SPESP1: variants seen among roughly 807,000 people sequenced by gnomAD.
SPESP1 encodes the protein sperm equatorial segment protein 1, also known as equatorial segment protein.
A neutral mutation model predicts 3.1 loss-of-function variants in SPESP1; 1 was observed. The ratio of observed to expected loss-of-function variants is 0.33; its 90% CI spans 0.12 to 1.54. The LOEUF is 1.54. Ranked by LOEUF, SPESP1 falls within the 40% of genes most tolerant of loss-of-function variation. The pLI is 0.38. For synonymous variants in SPESP1, 138 were observed against 150.7 expected (o/e 0.92, Z 0.62); for missense variants, 398 against 410.1 (o/e 0.97, Z 0.26).
chr15:68,944,857 A>G (rs1895919442), intron 1 of SPESP1, among the ~76,000 whole-genome samples: 1 of 152,202 alleles, frequency 6.6e-6, no homozygotes, highest in African/African-American at 2.4e-5. Context: ...GCAGTAGTAT[A>G]CTGGTAAATA....
chr15:68,941,033 A>G (rs1341464400), intron 1 of SPESP1, among the ~76,000 whole-genome samples: 1 of 151,964 alleles, frequency 6.6e-6, no homozygotes, highest in African/African-American at 2.4e-5. Context: ...GGCCAATGCT[A>G]TACTATTTTT....
chr15:68,934,209 A>G lies in SPESP1; in HGVS notation c.64+3492A>G, dbSNP rs35256639. Among the ~76,000 whole-genome samples the G allele has an allele frequency of 9.5e-3, 1,444 of 152,222 alleles. 12 individuals carry two copies. Among genetic ancestry groups the G allele is most frequent in the Non-Finnish European group, 0.015 (1,016 of 68,016 alleles). On this transcript the variant is annotated intron_variant, in intron 1 of 1. Transcript: ENST00000310673. ...GGATTACAAAAGCTCTTATTTCTAG[A>G]TTGGTATTATAAGAAGGCTCAATGT... is the stretch of plus-strand genomic sequence containing the variant.
At chr15:68,932,472 C>T (rs1169630332) in intron 1 of SPESP1, among the ~76,000 whole-genome samples, 1 of 151,698 alleles carries the variant, frequency 6.6e-6, no homozygotes, top group African/African-American at 2.4e-5. Flanking sequence ...CTCACCGCAA[C>T]CTCTGCCTCC....
At position 68,944,526 on chromosome 15, in the gene SPESP1, T is replaced by A. The variant is rs563846079; in HGVS notation, c.65-1073T>A. On this transcript the variant is annotated intron_variant, in intron 1 of 1. Coordinates refer to ENST00000310673, the MANE Select transcript of SPESP1 (RefSeq NM_145658.4). ...ACTTTAGTCAAGAATATATATATAT[T>A]TTTGATCCGGGGGCAGGTGAGGAGA... 3.1e-3 allele frequency among the ~76,000 whole-genome samples: 469 copies of A among 152,176 alleles called. 2 individuals carry two copies. The highest frequency in any genetic ancestry group is 0.011 in the African/African-American group (445 of 41,524).
chr15:68,946,105 G>GA lies in SPESP1; in HGVS notation c.571_572insA (p.Gly191GlufsTer15), dbSNP rs1895955633. On this transcript the variant is annotated frameshift_variant, in exon 2 of 2. Transcript: ENST00000310673. LOFTEE classifies it low-confidence loss of function (END_TRUNC). ...CACTTTAGATAAGAGCACTGGCATTGGGATCTCTACAGAATCAGAAGATGT... is the reference window on the plus strand; with the variant it reads ...CACTTTAGATAAGAGCACTGGCATTGAGGATCTCTACAGAATCAGAAGATGT... 5.6e-6 allele frequency: 9 copies of GA among 1,614,048 alleles called. No homozygotes were observed. Among genetic ancestry groups the GA allele is most frequent in the Non-Finnish European group, 6.8e-6 (8 of 1,180,030 alleles).
chr15:68,944,698 C>A (rs574160113), intron 1 of SPESP1, among the ~76,000 whole-genome samples: 1 of 152,238 alleles, frequency 6.6e-6, no homozygotes, highest in Admixed American at 6.5e-5. Context: ...TGGTCTCTTA[C>A]AATTACTCTA....
At chr15:68,930,770 C>T in intron 1 of SPESP1, 53 bp downstream of exon 1, 2 of 1,612,108 alleles carry the variant, frequency 1.2e-6, no homozygotes, top group Non-Finnish European at 1.7e-6. Context: ...GGGGGAACTT[C>T]CCGAGCTCCG....
At chr15:68,941,091 G>A (rs2140425140) in intron 1 of SPESP1, among the ~76,000 whole-genome samples, 1 of 151,870 alleles carries the variant, frequency 6.6e-6, no homozygotes, top group South Asian at 2.1e-4. Flanking sequence ...TTTAATATCT[G>A]ATAAGGCTAG....
At position 68,945,981 on chromosome 15, in the gene SPESP1, G is replaced by A. The variant is rs139121625; in HGVS notation, c.447G>A (p.Pro149=). ...YIENEEPEPE[P]EPAAKQTEAP... Reference sequence around the variant, plus strand: ...AAAATGAAGAGCCAGAGCCAGAGCCGGAGCCAGCTGCAAAACAAACTGAGG... The same window carrying A: ...AAAATGAAGAGCCAGAGCCAGAGCCAGAGCCAGCTGCAAAACAAACTGAGG... The change falls in exon 2 of 2, where the codon CCG becomes CCA. Residue 149 remains proline, a synonymous_variant. Transcript: ENST00000310673. 6.2e-6 allele frequency: 10 copies of A among 1,613,888 alleles called. No homozygotes were observed. Among genetic ancestry groups the A allele is most frequent in the African/African-American group, 5.3e-5 (4 of 74,876 alleles).
In SPESP1 at chr15:68,945,884, A is replaced by G. The variant is rs1895947257; in HGVS notation, c.350A>G (p.Glu117Gly). 2.5e-6 allele frequency: 4 copies of G among 1,614,016 alleles called. No individual in the cohort carries two copies. The South Asian group carries it at 3.3e-5, about 13-fold the overall frequency. ...TPEIGKKKHT[E>G]STPFWSIKPN... ...GAAATAGGAAAGAAAAAACACACGG[A>G]AAGTACCCCATTCTGGTCGATCAAA... is the stretch of plus-strand genomic sequence containing the variant. The change falls in exon 2 of 2, where the codon GAA (glutamate) becomes GGA (glycine). Residue 117 changes from glutamate (E) to glycine (G), a missense_variant. Physicochemically the swap from Glu to Gly is moderately conservative, Grantham distance 98. Coordinates refer to ENST00000310673, the MANE Select transcript of SPESP1 (RefSeq NM_145658.4).
chr15:68,944,808 T>C (rs1358970211), intron 1 of SPESP1, among the ~76,000 whole-genome samples: 1 of 152,202 alleles, frequency 6.6e-6, no homozygotes, highest in Non-Finnish European at 1.5e-5. Context: ...TGAGTGGATA[T>C]GAGTCACAGA....
At position 68,946,033 on chromosome 15, in the gene SPESP1, G is replaced by C; in HGVS notation, c.499G>C (p.Glu167Gln). Residue 167 changes from glutamate (E) to glutamine (Q), a missense_variant, in exon 2 of 2, where the codon GAA (glutamate) becomes CAA (glutamine). Transcript: ENST00000310673. ...ACCAAGAATGTTGCCAGTTGTTACT[G>C]AATCATCTACAAGTCCATATGTTAC... is the stretch of plus-strand genomic sequence containing the variant. ...EAPRMLPVVT[E>Q]SSTSPYVTSY... 1 of 1,614,108 alleles carries C rather than the reference G, an allele frequency of 6.2e-7. No individual in the cohort carries two copies.
At chr15:68,941,966 A>C (rs1433360096) in intron 1 of SPESP1, among the ~76,000 whole-genome samples, 2 of 152,202 alleles carry the variant, frequency 1.3e-5, no homozygotes, top group Non-Finnish European at 2.9e-5. Context: ...CTGGGAATAC[A>C]GGTATGTGCC....
At chr15:68,934,210 T>C (rs371500367) in intron 1 of SPESP1, among the ~76,000 whole-genome samples, 1 of 152,086 alleles carries the variant, frequency 6.6e-6, no homozygotes, top group African/African-American at 2.4e-5. Flanking sequence ...TATTTCTAGA[T>C]TGGTATTATA....
At position 68,930,614 on chromosome 15, in the gene SPESP1, G is replaced by T. The variant is rs371024449; in HGVS notation, c.-40G>T. On this transcript the variant is annotated 5_prime_UTR_variant, in exon 1 of 2. Coordinates refer to ENST00000310673, the MANE Select transcript of SPESP1 (RefSeq NM_145658.4). Reference sequence around the variant, plus strand: ...GAGGTTCCCAGCCTGGTGGCCCCAGGACGTTCCGGTCGCATGGCAGAGTGC... The same window carrying T: ...GAGGTTCCCAGCCTGGTGGCCCCAGTACGTTCCGGTCGCATGGCAGAGTGC... The T allele has an allele frequency of 3.3e-5, 54 of 1,612,852 alleles. No individual in the cohort carries two copies. The highest frequency in any genetic ancestry group is 4.3e-5 in the Non-Finnish European group (51 of 1,179,242).
chr15:68,933,377 AAAC>A (rs994874043), intron 1 of SPESP1, among the ~76,000 whole-genome samples: 147 of 152,310 alleles, frequency 9.7e-4, no homozygotes, highest in African/African-American at 3.4e-3. Flanking sequence ...GGTGCTGGAG[AAAC>A]AACGTTTTAC....
intron 1 of SPESP1, chr15:68,939,832 A>G (rs1392821939): frequency 2.0e-5 from 3 of 152,172 alleles, no homozygotes; most frequent in Non-Finnish European, 4.4e-5. Context: ...TTGGCACTCT[A>G]ACTCACCTAA....
intron 1 of SPESP1, among the ~76,000 whole-genome samples, chr15:68,936,149 G>T (rs995496777): frequency 6.6e-6 from 1 of 152,216 alleles, no homozygotes; most frequent in Non-Finnish European, 1.5e-5. Flanking sequence ...AGTGATGGAT[G>T]CTTGGGTATA....
At chr15:68,931,634 C>G (rs1895543865) in intron 1 of SPESP1, among the ~76,000 whole-genome samples, 1 of 152,196 alleles carries the variant, frequency 6.6e-6, no homozygotes, top group Non-Finnish European at 1.5e-5. Flanking sequence ...CTTAGTTAAG[C>G]AGGATTATAA....
Sources: gnomAD v4.1 joint callset for allele counts (sites outside exome capture counted in the v4.1 genomes callset) on GRCh38, gnomAD v4.1.1 for gene constraint, MANE v1.5 for transcripts, NCBI Gene and HGNC (gene_info 2026-07-23, HGNC 2026-07-21) for gene names.